The following CARD18 variants were observed in gnomAD, a reference collection of about 807,000 sequenced individuals.
CARD18 encodes the protein caspase recruitment domain-containing protein 18.
In CARD18, 7 loss-of-function variants were observed where a neutral mutation model predicts 7.9. That is an observed-to-expected ratio of 0.88 (90% CI 0.50 to 1.66). The LOEUF is 1.66. Ranked by LOEUF, CARD18 falls within the 40% of genes most tolerant of loss-of-function variation. The pLI, the probability that CARD18 is intolerant of heterozygous loss-of-function variation, is 0.00. For missense variants in CARD18, 134 were observed against 105.5 expected (o/e 1.27, Z -1.18); for synonymous variants, 34 against 34.8 (o/e 0.98, Z 0.08).
chr11:105,138,742 T>C (rs1335767185), intron 2 of CARD18, 70 bp downstream of exon 2: 24 of 1,530,806 alleles, frequency 1.6e-5, no homozygotes, highest in East Asian at 2.3e-5. Flanking sequence ...ACAAGACAAG[T>C]GAAGAAAATC....
chr11:105,138,633 C>T (rs1315803880), intron 2 of CARD18, among the ~76,000 whole-genome samples, 179 bp downstream of exon 2: 1 of 152,000 alleles, frequency 6.6e-6, no homozygotes, highest in African/African-American at 2.4e-5. Flanking sequence ...AGAACAGGTA[C>T]AAGGGACACA....
Position 105,138,890 on chromosome 11 carries a change from G to A in CARD18, c.196C>T (p.Pro66Ser), listed in dbSNP as rs751578234. 1.2e-6 allele frequency: 2 copies of A among 1,613,526 alleles called. No individual in the cohort carries two copies. The highest frequency in any genetic ancestry group is 8.5e-7 in the Non-Finnish European group (1 of 1,179,704). ...VLIDLVTGKG[P>S]KSCCKFIKHL... ...TTGATAAATTTGCAGCAAGACTTGGGTCCTTTTCCAGTAACAAGGTCAATC... is the reference window on the plus strand; with the variant it reads ...TTGATAAATTTGCAGCAAGACTTGGATCCTTTTCCAGTAACAAGGTCAATC... Residue 66 changes from proline to serine, a missense_variant, in exon 2 of 3, where the codon CCC (proline) becomes TCC (serine). Physicochemically the swap from Pro to Ser is moderately conservative, Grantham distance 74. Coordinates refer to ENST00000530950, the MANE Select transcript of CARD18 (RefSeq NM_021571.4).
intron 1 of CARD18, 26 bp downstream of exon 1, chr11:105,139,694 C>T (rs1865449385): frequency 6.3e-7 from 1 of 1,598,508 alleles, no homozygotes; most frequent in East Asian, 2.2e-5. Context: ...TCCCTAAGAC[C>T]TATCCTCTTA....
Position 105,137,770 on chromosome 11 carries a change from T to C in CARD18, c.*330A>G, listed in dbSNP as rs796317557. ...TCCCATCACAGCAGACTCTCAGTGC[T>C]AAAAGCACCAAAGTAAGCTGTACAT... is the stretch of plus-strand genomic sequence containing the variant. On this transcript the variant is annotated 3_prime_UTR_variant, in exon 3 of 3. Coordinates refer to ENST00000530950, the MANE Select transcript of CARD18 (RefSeq NM_021571.4). The C allele has an allele frequency of 7.9e-5, 12 of 152,232 alleles. No homozygotes were observed. Among genetic ancestry groups the C allele is most frequent in the African/African-American group, 2.9e-4 (12 of 41,530 alleles). The allele number at this position is 152,232 out of a possible 1,614,324, so 9.4% of individuals were successfully genotyped here. A position where few individuals can be genotyped will look rare whatever the true frequency, so the allele number is the denominator to read the frequency against.
At chr11:105,138,377 A>C (rs549458779) in intron 2 of CARD18, among the ~76,000 whole-genome samples, 1 of 152,184 alleles carries the variant, frequency 6.6e-6, no homozygotes, top group African/African-American at 2.4e-5. Context: ...ATCATTGTAT[A>C]TTCTGAAAAG....
chr11:105,139,257 A>C (rs985685528), intron 1 of CARD18, 179 bp from the exon 2 acceptor site: 7 of 647,722 alleles, frequency 1.1e-5, no homozygotes, highest in Non-Finnish European at 1.8e-5. Context: ...TTACCTACAT[A>C]TGCTCACTGA....
intron 2 of CARD18, 109 bp downstream of exon 2, chr11:105,138,703 T>C: frequency 7.9e-7 from 1 of 1,265,632 alleles, no homozygotes; most frequent in Non-Finnish European, 1.1e-6. Context: ...AGTCTGAGGC[T>C]AAAATGATAG....
rs199525168 is a variant in CARD18 at position 105,138,998 on chromosome 11, A to T, written c.88T>A (p.Leu30Ile). The change falls in exon 2 of 3, where the codon TTA (leucine) becomes ATA (isoleucine). Residue 30 changes from leucine (L) to isoleucine (I), a missense_variant. By Grantham distance (5) the Leu-to-Ile change is conservative (BLOSUM62 2). Transcript: ENST00000530950. ...GTINALLDCLLEDEVISQEDM... is the reference protein window; with the variant it reads ...GTINALLDCLIEDEVISQEDM... ...TCCTGGCTAATAACTTCATCCTCTA[A>T]TAGGCAATCCAGCAAGGCATTTATT... is the stretch of plus-strand genomic sequence containing the variant. 2.0e-4 allele frequency: 327 copies of T among 1,613,556 alleles called. No homozygotes were observed. The highest frequency in any genetic ancestry group is 1.5e-3 in the Middle Eastern group (9 of 6,082).
At chr11:105,138,729 C>A in intron 2 of CARD18, 83 bp downstream of exon 2, 1 of 1,463,918 alleles carries the variant, frequency 6.8e-7, no homozygotes, top group Non-Finnish European at 9.4e-7. Flanking sequence ...CTATTATCAA[C>A]TGACAAGACA....
chr11:105,139,148 T>TA, intron 1 of CARD18, 70 bp from the exon 2 acceptor site: 1 of 1,500,020 alleles, frequency 6.7e-7, no homozygotes, highest in Non-Finnish European at 9.1e-7. Flanking sequence ...ACCAACAGGG[T>TA]AACAATCATT....
intron 2 of CARD18, 26 bp downstream of exon 2, chr11:105,138,786 C>T (rs1865437113): frequency 1.2e-6 from 2 of 1,609,760 alleles, no homozygotes; most frequent in South Asian, 1.1e-5. Context: ...CCTATTTGGA[C>T]ATTAGGTTGA....
intron 2 of CARD18, 78 bp downstream of exon 2, chr11:105,138,733 CA>C: frequency 6.7e-7 from 1 of 1,491,888 alleles, no homozygotes; most frequent in Non-Finnish European, 9.2e-7. Context: ...TATCAACTGA[CA>C]AGACAAGTGA....
chr11:105,139,752 G>A lies in CARD18; in HGVS notation c.-26C>T. The A allele has an allele frequency of 5.6e-6, 9 of 1,598,374 alleles. No homozygotes were observed. The highest frequency in any genetic ancestry group is 7.6e-6 in the Non-Finnish European group (9 of 1,178,930). On this transcript the variant is annotated 5_prime_UTR_variant, in exon 1 of 3. Coordinates refer to ENST00000530950, the MANE Select transcript of CARD18 (RefSeq NM_021571.4). Reference sequence around the variant, plus strand: ...GGCTCCTCACGTTGGCACTTGCAATGTGTGTTACACTTGCAATGACAGGCA... The same window carrying A: ...GGCTCCTCACGTTGGCACTTGCAATATGTGTTACACTTGCAATGACAGGCA...
In CARD18 at chr11:105,138,986, C is replaced by G; in HGVS notation, c.100G>C (p.Val34Leu). 6.2e-7 allele frequency: 1 copy of G among 1,613,640 alleles called. No homozygotes were observed. Among genetic ancestry groups the G allele is most frequent in the East Asian group, 2.2e-5 (1 of 44,852 alleles). Reference sequence around the variant, plus strand: ...TTGTTCATGTCTTCCTGGCTAATAACTTCATCCTCTAATAGGCAATCCAGC... The same window carrying G: ...TTGTTCATGTCTTCCTGGCTAATAAGTTCATCCTCTAATAGGCAATCCAGC... The part of the protein sequence containing the change: ...ALLDCLLEDE[V>L]ISQEDMNKVR... The change falls in exon 2 of 3, where the codon GTT (valine) becomes CTT (leucine). Residue 34 changes from valine (V) to leucine (L), a missense_variant. Coordinates refer to ENST00000530950, the MANE Select transcript of CARD18 (RefSeq NM_021571.4).
chr11:105,138,868 A>G lies in CARD18; in HGVS notation c.218T>C (p.Ile73Thr). The part of the protein sequence containing the change: ...GKGPKSCCKF[I>T]KHLCEEDPQL... ...AGGGTCTTCTTCACAGAGATGCTTG[A>G]TAAATTTGCAGCAAGACTTGGGTCC... Residue 73 changes from isoleucine (I) to threonine (T), a missense_variant, in exon 2 of 3, where the codon ATC becomes ACC. Physicochemically the swap from Ile to Thr is moderately conservative, Grantham distance 89. Coordinates refer to ENST00000530950, the MANE Select transcript of CARD18 (RefSeq NM_021571.4). The G allele has an allele frequency of 6.2e-7, 1 of 1,613,700 alleles. No individual in the cohort carries two copies. The highest frequency in any genetic ancestry group is 8.5e-7 in the Non-Finnish European group (1 of 1,179,654).
rs549395597 is a variant in CARD18 at position 105,138,851 on chromosome 11, C to T, written c.235G>A (p.Glu79Lys). ...ATCTTTGAGGCAAGTTGAGGGTCTT[C>T]TTCACAGAGATGCTTGATAAATTTG... ...CCKFIKHLCE[E>K]DPQLASKMGL... Residue 79 changes from glutamate (E) to lysine (K), a missense_variant, in exon 2 of 3, where the codon GAA becomes AAA. Physicochemically the swap from Glu to Lys is moderately conservative, Grantham distance 56 (BLOSUM62 1). Coordinates refer to ENST00000530950, the MANE Select transcript of CARD18 (RefSeq NM_021571.4). The T allele has an allele frequency of 2.1e-4, 331 of 1,613,696 alleles. 3 individuals carry two copies. In the South Asian group the frequency reaches 3.5e-3, roughly 17 times the overall value.
At chr11:105,139,137 T>G (rs1193368376) in intron 1 of CARD18, 59 bp from the exon 2 acceptor site, 2 of 1,543,784 alleles carry the variant, frequency 1.3e-6, no homozygotes, top group Non-Finnish European at 1.8e-6. Flanking sequence ...CCTCTCAATT[T>G]ACCAACAGGG....
chr11:105,138,884 A>T lies in CARD18; in HGVS notation c.202T>A (p.Ser68Thr), dbSNP rs766431001. The T allele has an allele frequency of 1.1e-5, 18 of 1,613,688 alleles. No homozygotes were observed. The highest frequency in any genetic ancestry group is 1.5e-5 in the Non-Finnish European group (18 of 1,179,716). The stretch of plus-strand genomic sequence containing the variant: ...AGATGCTTGATAAATTTGCAGCAAG[A>T]CTTGGGTCCTTTTCCAGTAACAAGG... ...IDLVTGKGPK[S>T]CCKFIKHLCE... Residue 68 changes from serine to threonine, a missense_variant, in exon 2 of 3, where the codon TCT becomes ACT. Physicochemically the swap from Ser to Thr is moderately conservative, Grantham distance 58. Transcript: ENST00000530950.
At chr11:105,139,538 T>C (rs973381847) in intron 1 of CARD18, 182 bp downstream of exon 1, 1 of 615,140 alleles carries the variant, frequency 1.6e-6, no homozygotes, top group East Asian at 2.7e-5. Flanking sequence ...TTCCTGGCCT[T>C]TATCTGTTCC....
Sources: allele counts gnomAD v4.1 joint callset (sites outside exome capture counted in the v4.1 genomes callset), GRCh38; gene constraint gnomAD v4.1.1; transcripts MANE v1.5; gene names NCBI Gene and HGNC (gene_info 2026-07-23, HGNC 2026-07-21).